The following FAM133A variants were observed in gnomAD, a reference collection of about 807,000 sequenced individuals.
FAM133A encodes family with sequence similarity 133 member A.
For missense variants in FAM133A, 159 were observed against 164.4 expected, an observed-to-expected ratio of 0.97 and a Z score of 0.18; for synonymous variants, 65 against 58.6, an observed-to-expected ratio of 1.11 and a Z score of -0.50.
chrX:93,686,014 C>CAG (rs1457031259), intron 2 of FAM133A, among the ~76,000 whole-genome samples: 3 of 98,928 alleles, frequency 3.0e-5, no homozygotes, highest in Non-Finnish European at 3.9e-5. Flanking sequence ...GAGACTGAGG[C>CAG]AGAGAATCAC....
chrX:93,682,720 A>G (rs1925247868), intron 2 of FAM133A, among the ~76,000 whole-genome samples: 1 of 110,718 alleles, frequency 9.0e-6, no homozygotes, highest in Non-Finnish European at 1.9e-5. Flanking sequence ...GGTTCAAGCC[A>G]TTCTCCTGCC....
chrX:93,682,904 C>T (rs1253672815), intron 2 of FAM133A, among the ~76,000 whole-genome samples: 15 of 111,659 alleles, frequency 1.3e-4, no homozygotes, highest in Non-Finnish European at 7.5e-5. Context: ...AGTGAGCCAC[C>T]GCGTTCAGCC....
At chrX:93,684,913 A>G (rs935567946) in intron 2 of FAM133A, among the ~76,000 whole-genome samples, 4 of 111,910 alleles carry the variant, frequency 3.6e-5, no homozygotes, top group Middle Eastern at 4.7e-3. Flanking sequence ...CTTGAATAGC[A>G]CTCATACTGG....
At chrX:93,701,985 A>T (rs1926734528) in intron 3 of FAM133A, among the ~76,000 whole-genome samples, 1 of 112,181 alleles carries the variant, frequency 8.9e-6, no homozygotes, top group Non-Finnish European at 1.9e-5. Context: ...GACTTTGTCG[A>T]TGATGACTCA....
chrX:93,675,908 G>A (rs1400179239), intron 2 of FAM133A, among the ~76,000 whole-genome samples: 1 of 111,035 alleles, frequency 9.0e-6, no homozygotes, highest in African/African-American at 3.3e-5. Flanking sequence ...ATATTGTTCT[G>A]AAACTTACTA....
intron 2 of FAM133A, among the ~76,000 whole-genome samples, chrX:93,692,530 T>C (rs1004427929): frequency 1.8e-5 from 2 of 112,049 alleles, no homozygotes; most frequent in Non-Finnish European, 3.8e-5. Flanking sequence ...GAATAGACTA[T>C]GTTTAGCATG....
At chrX:93,675,682 A>G (rs1239950574) in intron 2 of FAM133A, among the ~76,000 whole-genome samples, 1 of 111,473 alleles carries the variant, frequency 9.0e-6, no homozygotes, top group Non-Finnish European at 1.9e-5. Flanking sequence ...CTGCAGAATT[A>G]TTATCACAAT....
In FAM133A at chrX:93,676,266, C is replaced by T. The variant is rs186281194; in HGVS notation, c.-193+1514C>T. On this transcript the variant is annotated intron_variant, in intron 2 of 3. Transcript: ENST00000683942. The stretch of plus-strand genomic sequence containing the variant: ...ATATGTGTTCATTGATAAAGTCAGG[C>T]AATACATTGAAATACAAAGAAGAAA... Among the ~76,000 whole-genome samples the T allele has an allele frequency of 1.5e-4, 17 of 110,734 alleles. No homozygotes were observed. In the East Asian group the frequency reaches 4.3e-3, roughly 28 times the overall value.
chrX:93,709,842 A>T lies in FAM133A; in HGVS notation c.423A>T (p.Ser141=), dbSNP rs753596643. The change falls in exon 4 of 4, where the codon TCA becomes TCT. Residue 141 remains serine, a synonymous_variant. Transcript: ENST00000683942. ...RKKKKNRSYK[S]SQSSTHESES... is the part of the protein sequence containing the mutation. ...AAAAGAAGAACCGTTCATACAAATC[A>T]TCCCAAAGCTCTACGCATGAATCAG... The T allele has an allele frequency of 8.3e-7, 1 of 1,202,599 alleles. No individual in the cohort carries two copies. The highest frequency in any genetic ancestry group is 1.1e-6 in the Non-Finnish European group (1 of 890,831).
chrX:93,680,544 A>G (rs1336936008), intron 2 of FAM133A, among the ~76,000 whole-genome samples: 1 of 111,311 alleles, frequency 9.0e-6, no homozygotes, highest in African/African-American at 3.3e-5. Flanking sequence ...TAATGGCTAT[A>G]CTAATCCACA....
At chrX:93,702,660 G>A (rs192616847) in intron 3 of FAM133A, among the ~76,000 whole-genome samples, 2 of 109,034 alleles carry the variant, frequency 1.8e-5, no homozygotes, top group East Asian at 2.9e-4. Flanking sequence ...GTACGGAAAT[G>A]GGAGGAGAAT....
At chrX:93,708,045 G>T (rs1191095427) in intron 3 of FAM133A, among the ~76,000 whole-genome samples, 1 of 111,947 alleles carries the variant, frequency 8.9e-6, no homozygotes, top group Non-Finnish European at 1.9e-5. Context: ...AGGATGAGGG[G>T]TAGACAGAGA....
upstream of FAM133A, chrX:93,673,988 T>TAAAAAAAAA (rs946167250): frequency 2.6e-5 from 1 of 38,732 alleles, no homozygotes; most frequent in Non-Finnish European, 4.2e-5. Flanking sequence ...CAAAAAGCTG[T>TAAAAAAAAA]AAAAAAAAAA....
chrX:93,679,506 A>G (rs1476577900), intron 2 of FAM133A, among the ~76,000 whole-genome samples: 1 of 111,085 alleles, frequency 9.0e-6, no homozygotes, highest in African/African-American at 3.3e-5. Context: ...ATGCAACATA[A>G]GATAAGGAAA....
chrX:93,701,631 G>A (rs145626948), intron 3 of FAM133A, among the ~76,000 whole-genome samples: 1,527 of 111,716 alleles, frequency 0.014, 11 homozygotes, highest in Non-Finnish European at 0.021. Context: ...AGCAAAATCT[G>A]TTGTCAAGAA....
In FAM133A at chrX:93,705,426, C is replaced by T. The variant is rs925318580; in HGVS notation, c.-103-3891C>T. On this transcript the variant is annotated intron_variant, in intron 3 of 3. Coordinates refer to ENST00000683942, the MANE Select transcript of FAM133A (RefSeq NM_001171109.2). ...GTTGGTGTTACTTTTTCTCTTTTCT[C>T]AATTTGATTTATCTTCTAGGAAAGG... Among the ~76,000 whole-genome samples, 5 of 111,317 alleles carry T rather than the reference C, an allele frequency of 4.5e-5. No individual in the cohort carries two copies. The Admixed American group carries it at 4.8e-4, about 11-fold the overall frequency.
At chrX:93,709,003 A>G (rs774692697) in intron 3 of FAM133A, among the ~76,000 whole-genome samples, 1 of 111,764 alleles carries the variant, frequency 8.9e-6, no homozygotes, top group African/African-American at 3.3e-5. Context: ...TCTATATACT[A>G]TATAAAGCAG....
At chrX:93,673,826 A>C (rs1320874570), upstream of FAM133A, among the ~76,000 whole-genome samples, 3 of 107,647 alleles carry the variant, frequency 2.8e-5, no homozygotes, top group Non-Finnish European at 5.7e-5. Context: ...CAAAAAGTCT[A>C]TATTTATAGT....
chrX:93,697,253 G>A (rs943372969), intron 2 of FAM133A, among the ~76,000 whole-genome samples: 1 of 107,531 alleles, frequency 9.3e-6, no homozygotes, highest in South Asian at 4.0e-4. Flanking sequence ...AAATAAGACA[G>A]GTGGTCAGTG....
Sources: gnomAD v4.1 joint callset for allele counts (sites outside exome capture counted in the v4.1 genomes callset) on GRCh38, gnomAD v4.1.1 for gene constraint, MANE v1.5 for transcripts, NCBI Gene and HGNC (gene_info 2026-07-23, HGNC 2026-07-21) for gene names.